PTPRT: variants seen among roughly 807,000 people sequenced by gnomAD.
PTPRT encodes the protein protein tyrosine phosphatase receptor type T, also known as receptor-type tyrosine-protein phosphatase T.
In PTPRT, 56 loss-of-function variants were observed where a neutral mutation model predicts 176.8. The ratio of observed to expected loss-of-function variants is 0.32; its 90% CI spans 0.26 to 0.40. PTPRT has a LOEUF of 0.40. Ranked by LOEUF, PTPRT falls within the 10% of genes least tolerant of loss-of-function variation. The pLI is 1.00. For synonymous variants in PTPRT, 783 were observed against 739.0 expected, an observed-to-expected ratio of 1.06 and a Z score of -0.96; for missense variants, 1,540 against 1,908.2, an observed-to-expected ratio of 0.81 and a Z score of 3.60.
At chr20:42,135,883 A>T (rs1200056355) in intron 18 of PTPRT, among the ~76,000 whole-genome samples, 1 of 152,114 alleles carries the variant, frequency 6.6e-6, no homozygotes, top group Non-Finnish European at 1.5e-5. Context: ...TCCTCCTGGA[A>T]CGCTGAGATC....
intron 6 of PTPRT, chr20:42,686,454 ACTC>A (rs1202879686): frequency 1.8e-5 from 2 of 110,910 alleles, no homozygotes; most frequent in Non-Finnish European, 3.5e-5. Context: ...CTCATAGTGC[ACTC>A]TTTTTTTTTT....
chr20:42,245,448 C>T (rs1013563233), intron 14 of PTPRT, among the ~76,000 whole-genome samples: 2 of 152,134 alleles, frequency 1.3e-5, no homozygotes, highest in African/African-American at 4.8e-5. Flanking sequence ...TCTCATATCC[C>T]TTTCTCCTTT....
At chr20:42,194,019 C>T (rs965889146) in intron 16 of PTPRT, among the ~76,000 whole-genome samples, 1 of 152,152 alleles carries the variant, frequency 6.6e-6, no homozygotes, top group African/African-American at 2.4e-5. Context: ...GCTCTCTGAA[C>T]CTCAGTTTCC....
intron 9 of PTPRT, among the ~76,000 whole-genome samples, chr20:42,409,624 TTG>T (rs2058994606): frequency 6.6e-6 from 1 of 151,970 alleles, no homozygotes; most frequent in Non-Finnish European, 1.5e-5. Flanking sequence ...CTGAAATAAA[TTG>T]TGTCTCTATT....
intron 6 of PTPRT, among the ~76,000 whole-genome samples, chr20:42,742,863 T>C (rs2076632507): frequency 6.6e-6 from 1 of 152,178 alleles, no homozygotes; most frequent in Admixed American, 6.5e-5. Flanking sequence ...CAGAGTTGCA[T>C]TCAGCAACAT....
intron 11 of PTPRT, among the ~76,000 whole-genome samples, chr20:42,321,108 T>C (rs2145399243): frequency 6.6e-6 from 1 of 152,318 alleles, no homozygotes; most frequent in South Asian, 2.1e-4. Context: ...TCAAACTTTG[T>C]TTCCAGCACT....
chr20:42,064,607 T>C, the PTPRT span, among the ~76,000 whole-genome samples: 58 of 152,242 alleles, frequency 3.8e-4, no homozygotes, highest in Non-Finnish European at 1.5e-4. Context: ...AGAAGCTATT[T>C]ATTTATTTTG....
chr20:42,637,112 A>C (rs7269582), intron 7 of PTPRT, among the ~76,000 whole-genome samples: 1,721 of 152,182 alleles, frequency 0.011, 42 homozygotes, highest in African/African-American at 0.04. Flanking sequence ...GCTGGATGCC[A>C]CCCCCAGAGT....
intron 7 of PTPRT, among the ~76,000 whole-genome samples, chr20:42,626,896 C>A (rs957497984): frequency 2.0e-5 from 3 of 152,216 alleles, no homozygotes; most frequent in Non-Finnish European, 2.9e-5. Flanking sequence ...AACTCTCTGC[C>A]TTCAGAATAT....
At chr20:42,944,232 G>T (rs1980743869) in intron 1 of PTPRT, among the ~76,000 whole-genome samples, 1 of 152,014 alleles carries the variant, frequency 6.6e-6, no homozygotes, top group Admixed American at 6.5e-5. Flanking sequence ...TTAGAGCCGG[G>T]GGGCGGAAAG....
chr20:42,841,238 C>T (rs1185594711), intron 2 of PTPRT, among the ~76,000 whole-genome samples: 1 of 152,194 alleles, frequency 6.6e-6, no homozygotes, highest in East Asian at 1.9e-4. Context: ...TGAGTCAAAG[C>T]TCCTTTAAAA....
intron 1 of PTPRT, among the ~76,000 whole-genome samples, chr20:43,167,653 C>T (rs2014890501): frequency 6.6e-6 from 1 of 152,156 alleles, no homozygotes; most frequent in East Asian, 1.9e-4. Flanking sequence ...TTCTGTCCTG[C>T]TACAGAAGTA....
chr20:42,733,459 A>T (rs914805671), intron 6 of PTPRT, among the ~76,000 whole-genome samples: 3 of 152,244 alleles, frequency 2.0e-5, no homozygotes, highest in Admixed American at 6.5e-5. Context: ...GGTATGAACC[A>T]TGAAGCTGCT....
intron 7 of PTPRT, among the ~76,000 whole-genome samples, chr20:42,594,126 A>G (rs911970074): frequency 2.6e-5 from 4 of 152,204 alleles, no homozygotes; most frequent in African/African-American, 9.6e-5. Context: ...TCCGGAGACC[A>G]ACGTGAAGGG....
intron 1 of PTPRT, among the ~76,000 whole-genome samples, chr20:42,902,802 G>A (rs909759129): frequency 4.6e-5 from 7 of 152,160 alleles, no homozygotes; most frequent in Non-Finnish European, 7.3e-5. Flanking sequence ...GCACAAACCT[G>A]CTCAACTTTA....
At chr20:42,440,073 A>C (rs1158660968) in intron 9 of PTPRT, among the ~76,000 whole-genome samples, 2 of 151,972 alleles carry the variant, frequency 1.3e-5, no homozygotes, top group Non-Finnish European at 2.9e-5. Context: ...CAAGCAGCTA[A>C]TTTTTGTATT....
chr20:42,978,461 T>C (rs978300050), intron 1 of PTPRT, among the ~76,000 whole-genome samples: 8 of 152,126 alleles, frequency 5.3e-5, no homozygotes, highest in African/African-American at 1.7e-4. Context: ...TCCAGAAAGA[T>C]TGCAAGAATT....
chr20:42,452,451 C>T (rs894806725), intron 8 of PTPRT, among the ~76,000 whole-genome samples: 3 of 151,930 alleles, frequency 2.0e-5, no homozygotes, highest in African/African-American at 7.3e-5. Context: ...ATTGAAGTGT[C>T]CTAATGGCTC....
chr20:42,986,536 G>A (rs1983589285), intron 1 of PTPRT, among the ~76,000 whole-genome samples: 1 of 152,174 alleles, frequency 6.6e-6, no homozygotes, highest in Non-Finnish European at 1.5e-5. Context: ...TCTGAATGGA[G>A]CTTTGTCTAG....
Sources: allele counts gnomAD v4.1 joint callset (sites outside exome capture counted in the v4.1 genomes callset), GRCh38; gene constraint gnomAD v4.1.1; transcripts MANE v1.5; gene names NCBI Gene and HGNC (gene_info 2026-07-23, HGNC 2026-07-21).